EVC: variants seen among roughly 807,000 people sequenced by gnomAD.
EVC encodes EvC ciliary complex subunit 1.
A neutral mutation model predicts 118.9 loss-of-function variants in EVC; 116 were observed. The observed-to-expected ratio is 0.98, with a 90% confidence interval of 0.84 to 1.14. The LOEUF (loss-of-function observed/expected upper bound fraction) is 1.14. EVC is among the 50% of genes most tolerant of loss of function. EVC has a pLI of 0.00. For synonymous variants in EVC, 619 were observed against 534.7 expected (o/e 1.16, Z -2.18); for missense variants, 1,401 against 1,246.4 (o/e 1.12, Z -1.87).
chr4:5,827,632 ACT>A, the EVC span, among the ~76,000 whole-genome samples: 1 of 151,604 alleles, frequency 6.6e-6, no homozygotes, highest in Non-Finnish European at 1.5e-5. Context: ...ACACACACAC[ACT>A]CCAACACACG....
At chr4:5,825,787 CACA>C in the EVC span, 1 of 833,446 alleles carries the variant, frequency 1.2e-6, no homozygotes. This position sits in a 1 kb window ranked among gnomAD's most constrained non-coding sequence, Gnocchi z 4.4. Flanking sequence ...CACACACACA[CACA>C]ACACGCACAC....
At chr4:5,757,064 G>A (rs1731285581) in intron 11 of EVC, among the ~76,000 whole-genome samples, 1 of 152,202 alleles carries the variant, frequency 6.6e-6, no homozygotes, top group African/African-American at 2.4e-5. Flanking sequence ...CGTGACCACA[G>A]GAGCATCACT....
chr4:5,776,908 G>A (rs943128253), intron 11 of EVC, among the ~76,000 whole-genome samples: 1 of 152,128 alleles, frequency 6.6e-6, no homozygotes, highest in Non-Finnish European at 1.5e-5. Context: ...CTTGCTTAAA[G>A]GTTTAAGAGT....
In EVC at chr4:5,744,968, G is replaced by GTTTT. The variant is rs112283154; in HGVS notation, c.802-223_802-220dup. ...TTATTGATTTTTAAAGTATGGTCTA[G>GTTTT]TTTTTTTTTTTTTTTTGAGGGAGGA... On this transcript the variant is annotated intron_variant, in intron 6 of 20. Coordinates refer to ENST00000264956, the MANE Select transcript of EVC (RefSeq NM_153717.3). Among the ~76,000 whole-genome samples the GTTTT allele has an allele frequency of 8.7e-3, 1,214 of 139,872 alleles. 18 individuals are homozygous for GTTTT. The highest frequency in any genetic ancestry group is 0.027 in the African/African-American group (1,008 of 37,894). The allele number at this position is 139,872 out of a possible 152,430, so 91.8% of individuals were successfully genotyped here.
intron 13 of EVC, among the ~76,000 whole-genome samples, chr4:5,794,259 A>ATTTTTATATATTTATATT (rs1560419432): frequency 1.1e-4 from 8 of 71,054 alleles, no homozygotes; most frequent in African/African-American, 3.9e-4. Flanking sequence ...ATTTATATGT[A>ATTTTTATATATTTATATT]TTTATATATT....
At chr4:5,795,194 T>C (rs1053561188) in intron 13 of EVC, among the ~76,000 whole-genome samples, 5 of 152,240 alleles carry the variant, frequency 3.3e-5, no homozygotes, top group African/African-American at 9.6e-5. Context: ...AATGAACATA[T>C]AAGTACATGT....
In EVC at chr4:5,719,204, G is replaced by A. The variant is rs1724506091; in HGVS notation, c.175-44G>A. 4.3e-6 allele frequency: 7 copies of A among 1,613,746 alleles called. No individual in the cohort carries two copies. Among genetic ancestry groups the A allele is most frequent in the Non-Finnish European group, 5.9e-6 (7 of 1,179,770 alleles). On this transcript the variant is annotated intron_variant, in intron 1 of 20. Transcript: ENST00000264956. The surrounding 1 kb of genome is among the most constrained non-coding windows in gnomAD (Gnocchi z 4.7). Reference sequence around the variant, plus strand: ...GGGGACCAGGCCGACTGACCTCAATGTTGTGTTTCTATCCACCCCCAACTC... The same window carrying A: ...GGGGACCAGGCCGACTGACCTCAATATTGTGTTTCTATCCACCCCCAACTC...
Position 5,795,018 on chromosome 4 carries a change from C to T in EVC, c.1886+1301C>T, listed in dbSNP as rs762208321. Among the ~76,000 whole-genome samples, 27 of 152,096 alleles carry T rather than the reference C, an allele frequency of 1.8e-4. 1 individual carries two copies. Among genetic ancestry groups the T allele is most frequent in the East Asian group, 5.8e-4 (3 of 5,192 alleles). On this transcript the variant is annotated intron_variant, in intron 13 of 20. Transcript: ENST00000264956. ...TTCTGTGTCTACATTAATTTCCTTA[C>T]GATAATGGCTTCCAGCTGCATCCAT...
rs918443374 is a variant in EVC, at chr4:5,749,929, G to C, written c.1098+1623G>C. ...ACAGCATCGGCAACACTGGGAGCTG[G>C]TTAGAGTGCAGAATCCTGTCCTCCA... On this transcript the variant is annotated intron_variant, in intron 8 of 20. Coordinates refer to ENST00000264956, the MANE Select transcript of EVC (RefSeq NM_153717.3). This position sits in a 1 kb window ranked among gnomAD's most constrained non-coding sequence, Gnocchi z 4.4. Among the ~76,000 whole-genome samples the C allele has an allele frequency of 6.6e-6, 1 of 152,146 alleles. No individual in the cohort carries two copies. Among genetic ancestry groups the C allele is most frequent in the Non-Finnish European group, 1.5e-5 (1 of 68,020 alleles).
intron 11 of EVC, among the ~76,000 whole-genome samples, chr4:5,775,357 C>T (rs1403457053): frequency 1.3e-5 from 2 of 152,026 alleles, no homozygotes; most frequent in East Asian, 3.9e-4. Flanking sequence ...TAGCTGGGAC[C>T]CCAGAACACC....
chr4:5,801,946 T>C lies in EVC; in HGVS notation c.2305-4T>C. 6.2e-7 allele frequency: 1 copy of C among 1,613,044 alleles called. No homozygotes were observed. The highest frequency in any genetic ancestry group is 8.5e-7 in the Non-Finnish European group (1 of 1,179,908). On this transcript the variant is annotated splice_polypyrimidine_tract_variant and splice_region_variant and intron_variant, in intron 15 of 20. Coordinates refer to ENST00000264956, the MANE Select transcript of EVC (RefSeq NM_153717.3). ...CTGTCCCTGTCCTTCCTTTCTTCCCTCAGAGGACACTGATGGAGGCGGCAG... is the reference window on the plus strand; with the variant it reads ...CTGTCCCTGTCCTTCCTTTCTTCCCCCAGAGGACACTGATGGAGGCGGCAG...
chr4:5,826,758 G>T, the EVC span: 1 of 152,890 alleles, frequency 6.5e-6, no homozygotes, highest in Non-Finnish European at 1.5e-5. Context: ...CTCCATATCA[G>T]GTGACAGTGC....
chr4:5,811,166 G>A lies in EVC; in HGVS notation c.*129G>A. 1.3e-6 allele frequency: 1 copy of A among 742,266 alleles called. No individual in the cohort carries two copies. 46.0% of individuals were successfully genotyped at this position (742,266 alleles called of 1,614,324 possible). ...GGCATCTCTAGGCTCTTCTGAGAGGGACAGAGAAAGAATAGAAATGTGCCC... is the reference window on the plus strand; with the variant it reads ...GGCATCTCTAGGCTCTTCTGAGAGGAACAGAGAAAGAATAGAAATGTGCCC... On this transcript the variant is annotated 3_prime_UTR_variant, in exon 21 of 21. Transcript: ENST00000264956.
At position 5,789,845 on chromosome 4, in the gene EVC, G is replaced by C. The variant is rs1281263077; in HGVS notation, c.1777-3763G>C. Among the ~76,000 whole-genome samples the C allele has an allele frequency of 6.6e-6, 1 of 152,142 alleles. No homozygotes were observed. Among genetic ancestry groups the C allele is most frequent in the African/African-American group, 2.4e-5 (1 of 41,430 alleles). Reference sequence around the variant, plus strand: ...CTGCATTCTCAAAACACGCAGCAAAGACCCCTATATACTTTAGTGGCAATG... The same window carrying C: ...CTGCATTCTCAAAACACGCAGCAAACACCCCTATATACTTTAGTGGCAATG... On this transcript the variant is annotated intron_variant, in intron 12 of 20. Transcript: ENST00000264956. The surrounding 1 kb of genome is among the most constrained non-coding windows in gnomAD (Gnocchi z 4.3).
chr4:5,720,552 A>G (rs954413574), intron 2 of EVC, among the ~76,000 whole-genome samples: 3 of 152,132 alleles, frequency 2.0e-5, no homozygotes, highest in Non-Finnish European at 4.4e-5. Flanking sequence ...TGGGCTCGGG[A>G]TATAAAAACG....
chr4:5,810,495 A>G (rs1163594780), intron 20 of EVC, 45 bp downstream of exon 20: 1 of 1,459,566 alleles, frequency 6.9e-7, no homozygotes, highest in South Asian at 1.2e-5. Context: ...GGGTTTGGTA[A>G]ATGCACTCAG....
intron 5 of EVC, among the ~76,000 whole-genome samples, chr4:5,740,968 G>C (rs928993210): frequency 1.3e-5 from 2 of 152,194 alleles, no homozygotes; most frequent in African/African-American, 4.8e-5. Flanking sequence ...GGAGAAACTG[G>C]ATCACTCATA....
Position 5,798,787 on chromosome 4 carries a change from T to A in EVC, c.2299T>A (p.Phe767Ile). The change falls in exon 15 of 21, where the codon TTC becomes ATC. Residue 767 changes from phenylalanine to isoleucine, a missense_variant. Physicochemically the swap from Phe to Ile is conservative, Grantham distance 21 (BLOSUM62 0). Coordinates refer to ENST00000264956, the MANE Select transcript of EVC (RefSeq NM_153717.3). The surrounding 1 kb of genome is among the most constrained non-coding windows in gnomAD (Gnocchi z 4.1). ...GAGCCGGGCCAAGGACAGGGATGAC[T>A]TCAAGGTATGCACTGACCTCTGTCC... Reference protein sequence around the residue: ...TKSRAKDRDDFKRTLMEAAVE... With the variant: ...TKSRAKDRDDIKRTLMEAAVE... 1 of 1,610,656 alleles carries A rather than the reference T, an allele frequency of 6.2e-7. No individual in the cohort carries two copies. Among genetic ancestry groups the A allele is most frequent in the African/African-American group, 1.3e-5 (1 of 74,952 alleles).
the EVC span, among the ~76,000 whole-genome samples, chr4:5,822,993 C>A: frequency 3.9e-5 from 6 of 152,196 alleles, no homozygotes; most frequent in Non-Finnish European, 7.3e-5. Flanking sequence ...CCCTTTCATA[C>A]TTTTTCTAAT....
Sources: allele counts gnomAD v4.1 joint callset (sites outside exome capture counted in the v4.1 genomes callset), GRCh38; gene constraint gnomAD v4.1.1; non-coding constraint Gnocchi (gnomAD v3.1); transcripts MANE v1.5; gene names NCBI Gene and HGNC (gene_info 2026-07-23, HGNC 2026-07-21).